The following SEMA6D variants were observed in gnomAD, a reference collection of about 807,000 sequenced individuals.
SEMA6D encodes semaphorin 6D, also known as semaphorin-6D.
Under a neutral mutation model 106.6 loss-of-function variants are expected in SEMA6D, and 35 were observed. That is an observed-to-expected ratio of 0.33 (90% confidence interval 0.25 to 0.44). The LOEUF (loss-of-function observed/expected upper bound fraction) is 0.44, where lower values mean the gene tolerates loss of function less well. SEMA6D is among the 20% of genes least tolerant of loss of function. The pLI is 1.00. For missense variants in SEMA6D, 1,185 were observed against 1,345.9 expected (o/e 0.88, Z 1.87); for synonymous variants, 499 against 487.7 (o/e 1.02, Z -0.31).
chr15:47,210,472 T>A (rs1895411826), intron 1 of SEMA6D, among the ~76,000 whole-genome samples: 1 of 151,912 alleles, frequency 6.6e-6, no homozygotes, highest in African/African-American at 2.4e-5. Context: ...TTTTAAGACA[T>A]CTATTTAGAA....
chr15:47,421,204 C>A (rs1362651498), intron 2 of SEMA6D, among the ~76,000 whole-genome samples: 2 of 152,066 alleles, frequency 1.3e-5, no homozygotes, highest in Non-Finnish European at 2.9e-5. Context: ...TTGTTATACT[C>A]CTCATTCTCC....
At chr15:47,375,987 A>T (rs2039434293) in intron 1 of SEMA6D, among the ~76,000 whole-genome samples, 1 of 152,192 alleles carries the variant, frequency 6.6e-6, no homozygotes, top group Non-Finnish European at 1.5e-5. Context: ...GTGGTTGTAA[A>T]TTGTTTATAT....
chr15:47,666,419 A>G (rs1555405875), intron 4 of SEMA6D, among the ~76,000 whole-genome samples: 8 of 152,206 alleles, frequency 5.3e-5, no homozygotes, highest in Non-Finnish European at 1.5e-5. Flanking sequence ...GTGACATTGA[A>G]GGGATAATCT....
intron 3 of SEMA6D, among the ~76,000 whole-genome samples, chr15:47,561,425 G>GA (rs1280180918): frequency 2.6e-5 from 4 of 151,822 alleles, no homozygotes; most frequent in African/African-American, 4.8e-5. Flanking sequence ...GACATTTCTA[G>GA]ATAAACAAAG....
At chr15:47,214,061 C>T (rs2030322159) in intron 1 of SEMA6D, among the ~76,000 whole-genome samples, 4 of 152,084 alleles carry the variant, frequency 2.6e-5, no homozygotes, top group African/African-American at 9.7e-5. Context: ...GAATGTCATC[C>T]ATGTGTGTCA....
intron 4 of SEMA6D, among the ~76,000 whole-genome samples, chr15:47,612,395 T>C (rs1198609274): frequency 1.3e-5 from 2 of 152,200 alleles, no homozygotes; most frequent in Non-Finnish European, 2.9e-5. Context: ...ATTCAATGTA[T>C]TTCTTCCTTT....
chr15:47,233,521 G>C (rs966887163), intron 1 of SEMA6D, among the ~76,000 whole-genome samples: 1 of 152,036 alleles, frequency 6.6e-6, no homozygotes, highest in African/African-American at 2.4e-5. Context: ...AATTTGGAGA[G>C]TGAGGCCATC....
intron 1 of SEMA6D, among the ~76,000 whole-genome samples, chr15:47,255,335 T>C (rs2033748614): frequency 1.3e-5 from 2 of 152,078 alleles, no homozygotes; most frequent in Admixed American, 1.3e-4. Flanking sequence ...TTCTCTCTTT[T>C]TTTCTTAGTG....
At chr15:47,749,088 T>C (rs2147270229) in intron 1 of SEMA6D, among the ~76,000 whole-genome samples, 1 of 150,074 alleles carries the variant, frequency 6.7e-6, no homozygotes, top group African/African-American at 2.4e-5. Flanking sequence ...TTCTTTTTTT[T>C]TTTTTTTTTG....
intron 3 of SEMA6D, among the ~76,000 whole-genome samples, chr15:47,535,941 G>T (rs1566866888): frequency 6.6e-6 from 1 of 152,142 alleles, no homozygotes; most frequent in African/African-American, 2.4e-5. Context: ...AGTTTGTCTT[G>T]GCTTCATGGG....
At chr15:47,563,182 C>T (rs915453740) in intron 3 of SEMA6D, among the ~76,000 whole-genome samples, 4 of 152,090 alleles carry the variant, frequency 2.6e-5, no homozygotes, top group Admixed American at 6.5e-5. Context: ...GCTAAGAAAT[C>T]GAAGCTGCAA....
chr15:47,442,220 T>G (rs923514458), intron 2 of SEMA6D, among the ~76,000 whole-genome samples: 5 of 152,044 alleles, frequency 3.3e-5, no homozygotes, highest in Non-Finnish European at 5.9e-5. Flanking sequence ...ATTTTGTGAG[T>G]CCCCACTATT....
intron 1 of SEMA6D, among the ~76,000 whole-genome samples, chr15:47,227,486 C>CTTTCTCTTTCTT (rs2031798275): frequency 2.3e-4 from 11 of 47,294 alleles, no homozygotes; most frequent in African/African-American, 1.0e-3. Context: ...CTTTCTTTTT[C>CTTTCTCTTTCTT]TTTCTTTCTT....
chr15:47,554,050 GA>G (rs1371971599), intron 3 of SEMA6D, among the ~76,000 whole-genome samples: 2 of 152,162 alleles, frequency 1.3e-5, no homozygotes, highest in African/African-American at 2.4e-5. Context: ...TGCACCAGGG[GA>G]TCTAGGCATT....
Position 47,425,295 on chromosome 15 carries a change from T to C in SEMA6D, c.-159+12823T>C, listed in dbSNP as rs75577593. Among the ~76,000 whole-genome samples, 122 of 152,138 alleles carry C rather than the reference T, an allele frequency of 8.0e-4. 1 individual carries two copies. In the East Asian group the frequency reaches 0.023, roughly 29 times the overall value. On this transcript the variant is annotated intron_variant, in intron 2 of 19. Coordinates refer to the SEMA6D transcript ENST00000558014. ...CAGCGAGATAGGGGAGCTTTTCGAG[T>C]GATCCCCTATCTGCAGTTGGTGAGT...
At chr15:47,328,222 A>G (rs2037208578) in intron 1 of SEMA6D, among the ~76,000 whole-genome samples, 1 of 152,198 alleles carries the variant, frequency 6.6e-6, no homozygotes. Flanking sequence ...GAAACATAAT[A>G]TTTCTTAGGA....
intron 1 of SEMA6D, among the ~76,000 whole-genome samples, chr15:47,184,974 C>T (rs1893453773): frequency 6.6e-6 from 1 of 152,060 alleles, no homozygotes; most frequent in Non-Finnish European, 1.5e-5. Context: ...GAACGACCTA[C>T]CTTCTTGCTT....
chr15:47,450,804 C>T (rs1292630663), intron 2 of SEMA6D, among the ~76,000 whole-genome samples: 1 of 152,020 alleles, frequency 6.6e-6, no homozygotes, highest in Non-Finnish European at 1.5e-5. Flanking sequence ...AGGTCTGTGA[C>T]TTTCTTGGCA....
At position 47,409,996 on chromosome 15, in the gene SEMA6D, T is replaced by A. The variant is rs1032566; in HGVS notation, c.-238-2397T>A. Among the ~76,000 whole-genome samples the A allele has an allele frequency of 8.5e-3, 1,290 of 150,920 alleles. 18 individuals carry two copies. Among genetic ancestry groups the A allele is most frequent in the African/African-American group, 0.03 (1,236 of 41,122 alleles). On this transcript the variant is annotated intron_variant, in intron 1 of 19. Transcript: ENST00000558014. ...GTGTTAGAACCAAATATTTAAGAAA[T>A]TTTTTTTTTAAACAGGGTCTGACTC...
Sources: gnomAD v4.1 joint callset for allele counts (sites outside exome capture counted in the v4.1 genomes callset) on GRCh38, gnomAD v4.1.1 for gene constraint, MANE v1.5 for transcripts, NCBI Gene and HGNC (gene_info 2026-07-23, HGNC 2026-07-21) for gene names.